SNTB1: variants seen among roughly 807,000 people sequenced by gnomAD.
The protein encoded by SNTB1 is syntrophin beta 1, also known as beta-1-syntrophin.
Under a neutral mutation model 48.9 loss-of-function variants are expected in SNTB1, and 36 were observed. The observed-to-expected ratio is 0.74, with a 90% confidence interval of 0.56 to 0.97. SNTB1 has a LOEUF of 0.97. SNTB1 is among the 50% of genes least tolerant of loss of function. SNTB1 has a pLI of 0.00. For synonymous variants in SNTB1, 299 were observed against 294.6 expected, an observed-to-expected ratio of 1.01 and a Z score of -0.15; for missense variants, 786 against 703.4, an observed-to-expected ratio of 1.12 and a Z score of -1.33.
In SNTB1 at chr8:120,536,787, G is replaced by A. The variant is rs995510828; in HGVS notation, c.*2090C>T. ...CTTAAGTGATAAAGAAATCATATTT[G>A]TAATTATGATCATTTTAATTTGTCT... On this transcript the variant is annotated 3_prime_UTR_variant, in exon 7 of 7. Coordinates refer to ENST00000517992, the MANE Select transcript of SNTB1 (RefSeq NM_021021.4). The A allele has an allele frequency of 6.6e-6, 1 of 152,006 alleles. No individual in the cohort carries two copies. The highest frequency in any genetic ancestry group is 1.9e-4 in the East Asian group (1 of 5,200). The allele number at this position is 152,006 out of a possible 1,614,324, so 9.4% of individuals were successfully genotyped here.
chr8:120,670,199 A>AGTTTC (rs1184594491), intron 2 of SNTB1, among the ~76,000 whole-genome samples: 1 of 152,206 alleles, frequency 6.6e-6, no homozygotes, highest in East Asian at 1.9e-4. Flanking sequence ...AGTTTGGTGG[A>AGTTTC]GGAAATAGGC....
intron 2 of SNTB1, among the ~76,000 whole-genome samples, chr8:120,660,537 T>C (rs1158719607): frequency 6.6e-6 from 1 of 152,218 alleles, no homozygotes; most frequent in Non-Finnish European, 1.5e-5. Context: ...AATGTGGTGG[T>C]TGGTTTGATC....
chr8:120,661,059 C>A (rs1456246584), intron 2 of SNTB1, among the ~76,000 whole-genome samples: 3 of 151,936 alleles, frequency 2.0e-5, no homozygotes, highest in East Asian at 1.9e-4. Flanking sequence ...ATAATAGATA[C>A]AAAATAATGA....
chr8:120,786,777 G>A (rs1303835922), intron 1 of SNTB1, among the ~76,000 whole-genome samples: 1 of 152,100 alleles, frequency 6.6e-6, no homozygotes, highest in Non-Finnish European at 1.5e-5. Flanking sequence ...ATACCTCATT[G>A]CATTTCACTG....
At chr8:120,675,008 G>A (rs369945755) in intron 2 of SNTB1, among the ~76,000 whole-genome samples, 41 of 152,248 alleles carry the variant, frequency 2.7e-4, no homozygotes, top group African/African-American at 8.7e-4. Context: ...TCGAACAAAG[G>A]TATCTTTAGA....
At chr8:120,594,230 TTATGTATG>T (rs548729884) in intron 3 of SNTB1, among the ~76,000 whole-genome samples, 1 of 151,204 alleles carries the variant, frequency 6.6e-6, no homozygotes, top group African/African-American at 2.4e-5. Context: ...CACTGAGCTA[TTATGTATG>T]TATGTATGTA....
At chr8:120,541,036 CA>C (rs1269490404) in intron 6 of SNTB1, 1 of 152,164 alleles carries the variant, frequency 6.6e-6, no homozygotes, top group African/African-American at 2.4e-5. Flanking sequence ...CTACATTTGA[CA>C]GCTTAAATGA....
chr8:120,613,505 T>G (rs942863769), intron 3 of SNTB1, among the ~76,000 whole-genome samples: 7 of 152,154 alleles, frequency 4.6e-5, no homozygotes. Flanking sequence ...GCATTTTTAA[T>G]TAACACCATC....
intron 1 of SNTB1, among the ~76,000 whole-genome samples, chr8:120,742,013 G>A (rs1819049397): frequency 6.6e-6 from 1 of 152,154 alleles, no homozygotes; most frequent in South Asian, 2.1e-4. Flanking sequence ...TATAAATATT[G>A]TGTTTTATAA....
chr8:120,545,895 C>A (rs1457080346), intron 5 of SNTB1, among the ~76,000 whole-genome samples: 1 of 152,046 alleles, frequency 6.6e-6, no homozygotes, highest in African/African-American at 2.4e-5. Context: ...TGACAACAAC[C>A]CTGGGGTAGG....
intron 1 of SNTB1, among the ~76,000 whole-genome samples, chr8:120,752,987 G>GAAAA (rs60198716): frequency 3.1e-4 from 24 of 76,294 alleles, no homozygotes; most frequent in East Asian, 1.1e-3. Flanking sequence ...AAAGCTGGAA[G>GAAAA]AAAAAAAAAA....
chr8:120,689,438 G>A (rs925210334), intron 2 of SNTB1, among the ~76,000 whole-genome samples: 4 of 152,160 alleles, frequency 2.6e-5, no homozygotes, highest in African/African-American at 4.8e-5. Flanking sequence ...GAGATCTACC[G>A]TTTGCTTCAA....
rs10113236 is a variant in SNTB1, at chr8:120,802,008, C to A, written c.571+9265G>T. On this transcript the variant is annotated intron_variant, in intron 1 of 6. Coordinates refer to ENST00000517992, the MANE Select transcript of SNTB1 (RefSeq NM_021021.4). Reference sequence around the variant, plus strand: ...AAGAGATAACCCTTTGGTGTCCCAACTTTAAGCAATTATCTTATTAGACTC... The same window carrying A: ...AAGAGATAACCCTTTGGTGTCCCAAATTTAAGCAATTATCTTATTAGACTC... Among the ~76,000 whole-genome samples the A allele has an allele frequency of 2.1e-3, 315 of 152,182 alleles. 1 individual carries two copies. Among genetic ancestry groups the A allele is most frequent in the African/African-American group, 7.2e-3 (301 of 41,538 alleles).
At chr8:120,564,621 T>G (rs1815721044) in intron 4 of SNTB1, among the ~76,000 whole-genome samples, 1 of 127,580 alleles carries the variant, frequency 7.8e-6, no homozygotes, top group East Asian at 2.5e-4. Flanking sequence ...CAGGTTGGAG[T>G]GCAATGGCGT....
chr8:120,589,309 C>T (rs1410935525), intron 3 of SNTB1, among the ~76,000 whole-genome samples: 3 of 152,212 alleles, frequency 2.0e-5, no homozygotes, highest in African/African-American at 7.2e-5. Context: ...AGTAAACCTC[C>T]AAGCTATGAT....
chr8:120,734,532 C>T (rs747015921), intron 1 of SNTB1, among the ~76,000 whole-genome samples: 11 of 152,020 alleles, frequency 7.2e-5, no homozygotes, highest in Non-Finnish European at 1.3e-4. Context: ...CTTTATGCCA[C>T]CTTACTTCAT....
chr8:120,617,467 A>G (rs1816733570), intron 3 of SNTB1, among the ~76,000 whole-genome samples: 1 of 152,166 alleles, frequency 6.6e-6, no homozygotes, highest in Non-Finnish European at 1.5e-5. Context: ...TTTTTAAAAG[A>G]AAGATAATCC....
intron 3 of SNTB1, among the ~76,000 whole-genome samples, chr8:120,608,744 A>G (rs139547411): frequency 1.3e-5 from 2 of 152,362 alleles, no homozygotes; most frequent in African/African-American, 4.8e-5. Flanking sequence ...AGAAAAATAC[A>G]GGAGAACACA....
intron 2 of SNTB1, among the ~76,000 whole-genome samples, chr8:120,662,582 G>A (rs116694206): frequency 0.014 from 2,181 of 152,270 alleles, 60 homozygotes; most frequent in African/African-American, 0.049. Context: ...GAGAGCGAGA[G>A]GAGAATGCTG....
Sources: allele counts gnomAD v4.1 joint callset (sites outside exome capture counted in the v4.1 genomes callset), GRCh38; gene constraint gnomAD v4.1.1; transcripts MANE v1.5; gene names NCBI Gene and HGNC (gene_info 2026-07-23, HGNC 2026-07-21).